The following AKAP1 variants were observed in gnomAD, a reference collection of about 807,000 sequenced individuals.
AKAP1 encodes A-kinase anchoring protein 1, also known as A-kinase anchor protein 1, mitochondrial.
In AKAP1, 32 loss-of-function variants were observed where a neutral mutation model predicts 79.8. That is an observed-to-expected ratio of 0.40 (90% CI 0.30 to 0.54). The LOEUF (loss-of-function observed/expected upper bound fraction) is 0.54, where lower values mean the gene tolerates loss of function less well. Ranked by LOEUF, AKAP1 falls within the 20% of genes least tolerant of loss-of-function variation. The pLI is 0.47. For synonymous variants in AKAP1, 416 were observed against 466.7 expected (o/e 0.89, Z 1.40); for missense variants, 961 against 1,138.9 (o/e 0.84, Z 2.25).
chr17:57,098,165 G>A (rs1446271793), intron 1 of AKAP1, among the ~76,000 whole-genome samples: 3 of 152,256 alleles, frequency 2.0e-5, no homozygotes, highest in Non-Finnish European at 4.4e-5. Flanking sequence ...GCCTGTGGCT[G>A]TAGCACGTGC....
intron 1 of AKAP1, chr17:57,094,428 C>A (rs1036878888): frequency 1.9e-4 from 29 of 152,140 alleles, no homozygotes; most frequent in African/African-American, 6.5e-4. Flanking sequence ...GGGACAGGCA[C>A]CTTTGAAGGC....
Position 57,106,838 on chromosome 17 carries a change from C to T in AKAP1, c.1374C>T (p.His458=). ...GTAAGCCAAATATCTCTGCACACCA[C>T]ATCTCCCTGGCCTCCTGCCTGGCAC... ...KDSKPNISAH[H]ISLASCLALT... is the part of the protein sequence containing the mutation. The change falls in exon 2 of 11, where the codon CAC becomes CAT. Residue 458 remains histidine, a synonymous_variant. Transcript: ENST00000337714. 1 of 1,614,218 alleles carries T rather than the reference C, an allele frequency of 6.2e-7. No homozygotes were observed. Among genetic ancestry groups the T allele is most frequent in the Admixed American group, 1.7e-5 (1 of 60,026 alleles).
chr17:57,119,108 G>T lies in AKAP1; in HGVS notation c.2637+64G>T, dbSNP rs951575856. The T allele has an allele frequency of 3.2e-6, 5 of 1,546,004 alleles. No individual in the cohort carries two copies. The East Asian group carries it at 1.1e-4, about 35-fold the overall frequency. ...CGAAGTAATGGATTGATTAGGAGCT[G>T]GTCCTGGGATTTGTTTCCTCTTGAG... On this transcript the variant is annotated intron_variant, in intron 10 of 10. Transcript: ENST00000337714.
intron 1 of AKAP1, among the ~76,000 whole-genome samples, chr17:57,089,610 GT>G (rs939999770): frequency 6.6e-6 from 1 of 151,642 alleles, no homozygotes; most frequent in Non-Finnish European, 1.5e-5. Context: ...GGCCTAGAAA[GT>G]TTTTTTTTCT....
chr17:57,116,079 G>A (rs1473204281), intron 6 of AKAP1, 32 bp from the exon 7 acceptor site: 1 of 1,603,232 alleles, frequency 6.2e-7, no homozygotes, highest in East Asian at 2.2e-5. Context: ...CCTGGCCCAG[G>A]CGTTCCACGC....
At chr17:57,102,087 G>A (rs1459570977) in intron 1 of AKAP1, among the ~76,000 whole-genome samples, 1 of 152,092 alleles carries the variant, frequency 6.6e-6, no homozygotes, top group African/African-American at 2.4e-5. Context: ...GCAGAGGTAC[G>A]TGGGTTAAAA....
At position 57,105,749 on chromosome 17, in the gene AKAP1, G is replaced by A; in HGVS notation, c.285G>A (p.Leu95=). The A allele has an allele frequency of 6.2e-7, 1 of 1,614,150 alleles. No individual in the cohort carries two copies. Among genetic ancestry groups the A allele is most frequent in the South Asian group, 1.1e-5 (1 of 91,078 alleles). The change falls in exon 2 of 11, where the codon TTG becomes TTA. Residue 95 remains leucine (L), a synonymous_variant. Coordinates refer to ENST00000337714, the MANE Select transcript of AKAP1 (RefSeq NM_003488.4). ...AGCTGCCTGCAGAGCCCCCAGCATTGCTCCAGACACACCCACCTTGCCGAA... is the reference window on the plus strand; with the variant it reads ...AGCTGCCTGCAGAGCCCCCAGCATTACTCCAGACACACCCACCTTGCCGAA... ...VSKLPAEPPA[L]LQTHPPCRRS... is the part of the protein sequence containing the mutation.
rs1459868212 is a variant in AKAP1 at position 57,114,642 on chromosome 17, C to G, written c.2281+6C>G. On this transcript the variant is annotated splice_donor_region_variant and intron_variant, in intron 6 of 10. Coordinates refer to ENST00000337714, the MANE Select transcript of AKAP1 (RefSeq NM_003488.4). ...CTTGCCCACCCCAGTGGAAAGTAAGCAGTGCCCTGAGGGGTCGGGAAGGGG... is the reference window on the plus strand; with the variant it reads ...CTTGCCCACCCCAGTGGAAAGTAAGGAGTGCCCTGAGGGGTCGGGAAGGGG... The G allele has an allele frequency of 5.0e-6, 8 of 1,612,232 alleles. No individual in the cohort carries two copies. Among genetic ancestry groups the G allele is most frequent in the Non-Finnish European group, 6.8e-6 (8 of 1,179,188 alleles).
chr17:57,102,997 A>G (rs906468631), intron 1 of AKAP1, among the ~76,000 whole-genome samples: 1 of 152,102 alleles, frequency 6.6e-6, no homozygotes, highest in East Asian at 1.9e-4. Flanking sequence ...GGAGAACTGC[A>G]TGAACCTGGA....
chr17:57,109,391 G>C (rs1012040831), intron 2 of AKAP1, among the ~76,000 whole-genome samples: 5 of 152,350 alleles, frequency 3.3e-5, no homozygotes, highest in Non-Finnish European at 7.3e-5. Flanking sequence ...AGAGTGTTCA[G>C]AGTTGCATGA....
In AKAP1 at chr17:57,106,312, A is replaced by G. The variant is rs754687698; in HGVS notation, c.848A>G (p.Asp283Gly). Reference protein sequence around the residue: ...ESAHTELAKDDAAPAPPVADA... With the variant: ...ESAHTELAKDGAAPAPPVADA... ...GCTCACACAGAGCTGGCAAAGGACG[A>G]TGCGGCGCCAGCACCCCCAGTCGCA... The change falls in exon 2 of 11, where the codon GAT (aspartate) becomes GGT (glycine). Residue 283 changes from aspartate (D) to glycine (G), a missense_variant. Coordinates refer to ENST00000337714, the MANE Select transcript of AKAP1 (RefSeq NM_003488.4). 6.1e-5 allele frequency: 99 copies of G among 1,614,092 alleles called. No individual in the cohort carries two copies. The highest frequency in any genetic ancestry group is 8.2e-5 in the Non-Finnish European group (97 of 1,180,048).
At chr17:57,094,212 A>G (rs1913953180) in intron 1 of AKAP1, 1 of 152,186 alleles carries the variant, frequency 6.6e-6, no homozygotes. Context: ...CAACGGTTCC[A>G]CGTTTCTCCT....
chr17:57,120,404 A>G lies in AKAP1; in HGVS notation c.*80A>G. The G allele has an allele frequency of 4.8e-6, 6 of 1,254,458 alleles. No homozygotes were observed. Among genetic ancestry groups the G allele is most frequent in the African/African-American group, 1.5e-5 (1 of 66,812 alleles). The allele number at this position is 1,254,458 out of a possible 1,614,324, so 77.7% of individuals were successfully genotyped here. ...ACTCAAGTCAAAGATGAACATCGGA[A>G]TAACAAACATTGTCCTCTCCAGAAA... On this transcript the variant is annotated 3_prime_UTR_variant, in exon 11 of 11. Transcript: ENST00000337714.
At chr17:57,114,386 T>G (rs1697858419) in intron 5 of AKAP1, 73 bp from the exon 6 acceptor site, 1 of 1,550,864 alleles carries the variant, frequency 6.4e-7, no homozygotes, top group African/African-American at 1.4e-5. Flanking sequence ...GACTTGCCCT[T>G]GGGTCTCGGG....
Position 57,119,000 on chromosome 17 carries a change from A to G in AKAP1, c.2593A>G (p.Thr865Ala), listed in dbSNP as rs763961769. 1.7e-5 allele frequency: 27 copies of G among 1,613,568 alleles called. No individual in the cohort carries two copies. The East Asian group carries it at 1.8e-4, about 11-fold the overall frequency. ...TCTTCAGGTGACAAGTTACAGTCCA[A>G]CTGGTCTTCCTCTGATTCAGCTGTG... ...LLAQVTSYSP[T>A]GLPLIQLWSV... Residue 865 changes from threonine to alanine, a missense_variant, in exon 10 of 11, where the codon ACT becomes GCT. Physicochemically the swap from Thr to Ala is moderately conservative, Grantham distance 58. Transcript: ENST00000337714.
rs1301140272 is a variant in AKAP1 at position 57,086,513 on chromosome 17, A to C, written c.-25+1115A>C. 1 of 449,658 alleles carries C rather than the reference A, an allele frequency of 2.2e-6. No individual in the cohort carries two copies. The highest frequency in any genetic ancestry group is 4.5e-6 in the Non-Finnish European group (1 of 224,212). The allele number at this position is 449,658 out of a possible 1,614,324, so 27.9% of individuals were successfully genotyped here. ...GCGGCGCCTTCCTGCCGCCGTTAAC[A>C]CAAACCCGGTGGACTTCGCTCCAGG... On this transcript the variant is annotated intron_variant, in intron 1 of 10. Transcript: ENST00000337714. The surrounding 1 kb of genome is among the most constrained non-coding windows in gnomAD (Gnocchi z 5.1).
Position 57,116,018 on chromosome 17 carries a change from A to G in AKAP1, c.2282-93A>G, listed in dbSNP as rs1915556067. 5.5e-6 allele frequency: 8 copies of G among 1,463,050 alleles called. No homozygotes were observed. In the East Asian group the frequency reaches 1.6e-4, roughly 30 times the overall value. The allele number at this position is 1,463,050 out of a possible 1,614,324, so 90.6% of individuals were successfully genotyped here. On this transcript the variant is annotated intron_variant, in intron 6 of 10. Transcript: ENST00000337714. ...GCACTGTGGAGGTTGCAGGCCTCTGAGAGGTAACGCAGGGAGGTGGGTAGT... is the reference window on the plus strand; with the variant it reads ...GCACTGTGGAGGTTGCAGGCCTCTGGGAGGTAACGCAGGGAGGTGGGTAGT...
intron 2 of AKAP1, among the ~76,000 whole-genome samples, chr17:57,109,156 G>A (rs150874094): frequency 3.9e-5 from 6 of 152,296 alleles, no homozygotes; most frequent in African/African-American, 1.4e-4. Flanking sequence ...AACCTAATTG[G>A]TAGACTCTCA....
chr17:57,119,760 CA>C (rs1915802353), intron 10 of AKAP1, among the ~76,000 whole-genome samples: 2 of 149,828 alleles, frequency 1.3e-5, no homozygotes, highest in Admixed American at 1.3e-4. Context: ...TATGCCACAG[CA>C]GCCAACAGAA....
Sources: gnomAD v4.1 joint callset for allele counts (sites outside exome capture counted in the v4.1 genomes callset) on GRCh38, gnomAD v4.1.1 for gene constraint, Gnocchi (gnomAD v3.1) non-coding constraint, MANE v1.5 for transcripts, NCBI Gene and HGNC (gene_info 2026-07-23, HGNC 2026-07-21) for gene names.